Variants in MS4A1 observed in about 807,000 individuals in gnomAD.
MS4A1 encodes membrane spanning 4-domains A1, also known as B-lymphocyte antigen CD20.
Under a neutral mutation model 26.5 loss-of-function variants are expected in MS4A1, and 16 were observed. The ratio of observed to expected loss-of-function variants is 0.60; its 90% CI spans 0.41 to 0.92. The LOEUF is 0.92. Among genes scored for constraint, MS4A1 ranks in the 40% least tolerant of loss-of-function variants. MS4A1 has a pLI of 0.00. For synonymous variants in MS4A1, 128 were observed against 117.6 expected, an observed-to-expected ratio of 1.09 and a Z score of -0.57; for missense variants, 350 against 353.0, an observed-to-expected ratio of 0.99 and a Z score of 0.07.
rs1019835276 is a variant in MS4A1 at position 60,466,277 on chromosome 11, G to A, written c.573+120G>A. ...GAGTTTGCTAGTTACTGTCTGTGTG[G>A]CTTTGGGAAAGAATTTTAACCACAC... is the stretch of plus-strand genomic sequence containing the variant. On this transcript the variant is annotated intron_variant, in intron 6 of 7. Coordinates refer to ENST00000345732, the MANE Select transcript of MS4A1 (RefSeq NM_152866.3). 9.3e-6 allele frequency: 8 copies of A among 861,128 alleles called. No individual in the cohort carries two copies. The East Asian group carries it at 1.9e-4, about 21-fold the overall frequency. 53.3% of individuals were successfully genotyped at this position (861,128 alleles called of 1,614,324 possible).
chr11:60,458,931 A>G (rs981186397), intron 1 of MS4A1, among the ~76,000 whole-genome samples: 6 of 152,302 alleles, frequency 3.9e-5, no homozygotes, highest in East Asian at 1.9e-4. Context: ...TAAGGTTTGT[A>G]GAAGTATAGT....
At chr11:60,462,073 A>G (rs2086252317) in intron 2 of MS4A1, 112 bp from the exon 3 acceptor site, 12 of 459,524 alleles carry the variant, frequency 2.6e-5, no homozygotes, top group South Asian at 2.4e-4. Flanking sequence ...CATATATGCA[A>G]GGTGTCCTCT....
Position 60,464,683 on chromosome 11 carries a change from A to G in MS4A1, c.336+339A>G, listed in dbSNP as rs376868732. Among the ~76,000 whole-genome samples the G allele has an allele frequency of 2.2e-4, 34 of 152,338 alleles. No homozygotes were observed. In the South Asian group the frequency reaches 7.0e-3, roughly 32 times the overall value. On this transcript the variant is annotated intron_variant, in intron 5 of 7. Coordinates refer to ENST00000345732, the MANE Select transcript of MS4A1 (RefSeq NM_152866.3). ...AATTATCTGATCAATGTCATGATTGATTCAAATTCTAGCTAAGCCATTTTT... is the reference window on the plus strand; with the variant it reads ...AATTATCTGATCAATGTCATGATTGGTTCAAATTCTAGCTAAGCCATTTTT...
chr11:60,459,833 G>C (rs906102975), intron 1 of MS4A1, among the ~76,000 whole-genome samples: 1 of 152,146 alleles, frequency 6.6e-6, no homozygotes, highest in African/African-American at 2.4e-5. Flanking sequence ...TTCACATAGT[G>C]CATATATTGG....
At chr11:60,465,252 C>T (rs539978276) in intron 5 of MS4A1, among the ~76,000 whole-genome samples, 2 of 152,278 alleles carry the variant, frequency 1.3e-5, no homozygotes, top group South Asian at 2.1e-4. Flanking sequence ...CTGTTTCAAC[C>T]TTTTATCATC....
At chr11:60,466,813 C>T (rs1295467159) in intron 6 of MS4A1, 146 bp from the exon 7 acceptor site, 1 of 784,818 alleles carries the variant, frequency 1.3e-6, no homozygotes, top group Non-Finnish European at 2.2e-6. Flanking sequence ...GTCTCCTGTA[C>T]TAGCAGTTCT....
intron 4 of MS4A1, chr11:60,463,758 A>G (rs1228825215): frequency 4.4e-6 from 2 of 454,790 alleles, no homozygotes; most frequent in Non-Finnish European, 8.9e-6. Context: ...CCTCCATTCT[A>G]CAGCCTGAAT....
intron 1 of MS4A1, among the ~76,000 whole-genome samples, chr11:60,456,270 C>T (rs1198737011): frequency 6.6e-6 from 1 of 152,158 alleles, no homozygotes; most frequent in Non-Finnish European, 1.5e-5. Context: ...AACAATATAA[C>T]CTTGGGCAAA....
chr11:60,465,646 AG>A, intron 5 of MS4A1: 1 of 401,104 alleles, frequency 2.5e-6, no homozygotes, highest in Non-Finnish European at 4.5e-6. Flanking sequence ...AGGAAATGCA[AG>A]GATACAAGAT....
intron 5 of MS4A1, 118 bp from the exon 6 acceptor site, chr11:60,465,803 A>G (rs1175213783): frequency 2.6e-6 from 2 of 765,116 alleles, no homozygotes; most frequent in Non-Finnish European, 4.6e-6. Context: ...AGAGAACTTC[A>G]GTATATTTAG....
chr11:60,463,037 C>G lies in MS4A1; in HGVS notation c.195C>G (p.Ala65=). The G allele has an allele frequency of 1.2e-6, 2 of 1,614,106 alleles. No individual in the cohort carries two copies. The highest frequency in any genetic ancestry group is 1.7e-6 in the Non-Finnish European group (2 of 1,180,016). ...VQIMNGLFHI[A]LGGLLMIPAG... Reference sequence around the variant, plus strand: ...TTATGAATGGGCTCTTCCACATTGCCCTGGGGGGTCTTCTGATGATCCCAG... The same window carrying G: ...TTATGAATGGGCTCTTCCACATTGCGCTGGGGGGTCTTCTGATGATCCCAG... Residue 65 remains alanine (A), a synonymous_variant, in exon 4 of 8, where the codon GCC becomes GCG. Transcript: ENST00000345732.
At chr11:60,467,421 C>T (rs2086302976) in intron 7 of MS4A1, among the ~76,000 whole-genome samples, 1 of 151,878 alleles carries the variant, frequency 6.6e-6, no homozygotes, top group African/African-American at 2.4e-5. Context: ...GGATTACAGG[C>T]ACCCGCCATC....
Position 60,462,451 on chromosome 11 carries a change from G to T in MS4A1, c.77G>T (p.Gly26Val), listed in dbSNP as rs1453889572. The change falls in exon 3 of 8, where the codon GGT becomes GTT. Residue 26 changes from glycine (G) to valine (V), a missense_variant. By Grantham distance (109) the Gly-to-Val change is moderately radical. Coordinates refer to ENST00000345732, the MANE Select transcript of MS4A1 (RefSeq NM_152866.3). ...PMKGPIAMQS[G>V]PKPLFRRMSS... The stretch of plus-strand genomic sequence containing the variant: ...AAAGGCCCTATTGCTATGCAATCTG[G>T]TCCAAAACCACTCTTCAGGAGGATG... 6.2e-7 allele frequency: 1 copy of T among 1,614,154 alleles called. No individual in the cohort carries two copies. The highest frequency in any genetic ancestry group is 2.2e-5 in the East Asian group (1 of 44,882).
Position 60,468,639 on chromosome 11 carries a change from G to A in MS4A1, c.*171G>A, listed in dbSNP as rs1590848708. On this transcript the variant is annotated 3_prime_UTR_variant, in exon 8 of 8. Transcript: ENST00000345732. ...CTCTCTTACATTGAATGTAGAGAAT[G>A]TAGCCATTGTAGCAGCTTGTGTTGT... 1 of 657,384 alleles carries A rather than the reference G, an allele frequency of 1.5e-6. No individual in the cohort carries two copies. The highest frequency in any genetic ancestry group is 2.7e-6 in the Non-Finnish European group (1 of 375,736). 40.7% of individuals were successfully genotyped at this position (657,384 alleles called of 1,614,324 possible).
In MS4A1 at chr11:60,466,967, G is replaced by C; in HGVS notation, c.582G>C (p.Leu194Phe). 6.2e-7 allele frequency: 1 copy of C among 1,614,052 alleles called. No homozygotes were observed. The highest frequency in any genetic ancestry group is 2.2e-5 in the East Asian group (1 of 44,866). ...YSIQSLFLGI[L>F]SVMLIFAFFQ... ...CTTCTGTTGTTTTTCAGGGCATTTT[G>C]TCAGTGATGCTGATCTTTGCCTTCT... Residue 194 changes from leucine to phenylalanine, a missense_variant, in exon 7 of 8, where the codon TTG becomes TTC. Leu to Phe is a conservative substitution (Grantham distance 22). Transcript: ENST00000345732.
At chr11:60,461,965 T>G (rs1055430616) in intron 2 of MS4A1, among the ~76,000 whole-genome samples, 1 of 152,176 alleles carries the variant, frequency 6.6e-6, no homozygotes, top group Middle Eastern at 3.2e-3. Context: ...CAAAGGCAGA[T>G]AAGCAAAAGG....
At chr11:60,468,197 C>A in intron 7 of MS4A1, 53 bp from the exon 8 acceptor site, 2 of 1,344,368 alleles carry the variant, frequency 1.5e-6, no homozygotes, top group Admixed American at 1.9e-5. Flanking sequence ...AGATTGTTGA[C>A]AAAGGTGTCA....
At chr11:60,463,811 A>C (rs1427198130) in intron 4 of MS4A1, 2 of 455,998 alleles carry the variant, frequency 4.4e-6, no homozygotes, top group Non-Finnish European at 8.8e-6. Flanking sequence ...CACTTCCTGT[A>C]ACAGCCAATG....
At position 60,456,299 on chromosome 11, in the gene MS4A1, C is replaced by T. The variant is rs1055418171; in HGVS notation, c.-280+354C>T. The stretch of plus-strand genomic sequence containing the variant: ...GGGCAAATTACTAAACCTCTAAAGC[C>T]TCAGCTTCCTCATCTATAAAATGGG... On this transcript the variant is annotated intron_variant, in intron 1 of 7. Transcript: ENST00000345732. 2.0e-5 allele frequency among the ~76,000 whole-genome samples: 3 copies of T among 152,176 alleles called. No individual in the cohort carries two copies. In the South Asian group the frequency reaches 6.2e-4, roughly 32 times the overall value.
Sources: allele counts gnomAD v4.1 joint callset (sites outside exome capture counted in the v4.1 genomes callset), GRCh38; gene constraint gnomAD v4.1.1; transcripts MANE v1.5; gene names NCBI Gene and HGNC (gene_info 2026-07-23, HGNC 2026-07-21).